CYP11A1: variants seen among roughly 807,000 people sequenced by gnomAD.
The protein encoded by CYP11A1 is cytochrome P450 family 11 subfamily A member 1.
Under a neutral mutation model 51.9 loss-of-function variants are expected in CYP11A1, and 25 were observed. That is an observed-to-expected ratio of 0.48 (90% CI 0.35 to 0.67). CYP11A1 has a LOEUF of 0.67. Among genes scored for constraint, CYP11A1 ranks in the 30% least tolerant of loss-of-function variants. The pLI, the probability that CYP11A1 is intolerant of heterozygous loss-of-function variation, is 0.00. For synonymous variants in CYP11A1, 245 were observed against 262.1 expected (o/e 0.93, Z 0.63); for missense variants, 578 against 680.9 (o/e 0.85, Z 1.68).
chr15:74,352,264 C>CTTTTT (rs34304260), intron 1 of CYP11A1, among the ~76,000 whole-genome samples: 105 of 86,078 alleles, frequency 1.2e-3, no homozygotes, highest in East Asian at 4.3e-3. Flanking sequence ...TCTTTGCTAT[C>CTTTTT]TTTTTTTTTT....
At chr15:74,357,978 A>G (rs896407353) in intron 1 of CYP11A1, among the ~76,000 whole-genome samples, 1 of 152,218 alleles carries the variant, frequency 6.6e-6, no homozygotes, top group Non-Finnish European at 1.5e-5. Flanking sequence ...ACCCTTGCAA[A>G]TGAATTACAC....
At chr15:74,346,336 G>A (rs56239172) in intron 2 of CYP11A1, among the ~76,000 whole-genome samples, 4,828 of 124,776 alleles carry the variant, frequency 0.039, 112 homozygotes, top group Non-Finnish European at 0.052. Flanking sequence ...CTGGGTGACA[G>A]AGCAAGACTC....
intron 1 of CYP11A1, chr15:74,365,788 A>G: frequency 1.0e-6 from 1 of 985,546 alleles, no homozygotes; most frequent in Non-Finnish European, 1.2e-6. Context: ...GGCAGAGGCC[A>G]GCAGAGGCGA....
At chr15:74,363,563 A>G (rs1596168862) in intron 1 of CYP11A1, 1 of 152,210 alleles carries the variant, frequency 6.6e-6, no homozygotes, top group Non-Finnish European at 1.5e-5. Context: ...GACCTTGGGT[A>G]AGGAGTATAC....
chr15:74,339,331 A>G lies in CYP11A1; in HGVS notation c.1158-16T>C. The G allele has an allele frequency of 6.2e-7, 1 of 1,611,184 alleles. No individual in the cohort carries two copies. The highest frequency in any genetic ancestry group is 8.5e-7 in the Non-Finnish European group (1 of 1,177,298). On this transcript the variant is annotated splice_polypyrimidine_tract_variant and intron_variant, in intron 6 of 8. Coordinates refer to ENST00000268053, the MANE Select transcript of CYP11A1 (RefSeq NM_000781.3). ...GGGGTGAAGTCTGCGGGAGGAGGGC[A>G]CTCAGAAGCTGATGGCCCCAAAGGC... is the stretch of plus-strand genomic sequence containing the variant.
chr15:74,342,295 G>T (rs1204602317), intron 5 of CYP11A1, among the ~76,000 whole-genome samples: 2 of 152,136 alleles, frequency 1.3e-5, no homozygotes, highest in Non-Finnish European at 2.9e-5. Context: ...TGTTGGCCAG[G>T]CTGGTCTCGA....
intron 1 of CYP11A1, among the ~76,000 whole-genome samples, chr15:74,349,947 G>T (rs2060648327): frequency 6.6e-6 from 1 of 151,830 alleles, no homozygotes; most frequent in African/African-American, 2.4e-5. Flanking sequence ...GCAAGACCCT[G>T]TTTCAAAAAA....
At chr15:74,358,347 T>C (rs2060691307) in intron 1 of CYP11A1, among the ~76,000 whole-genome samples, 1 of 152,198 alleles carries the variant, frequency 6.6e-6, no homozygotes, top group Non-Finnish European at 1.5e-5. Context: ...ACAAGGCAAA[T>C]GGTTCTTAGA....
chr15:74,352,236 G>T (rs989136181), intron 1 of CYP11A1, among the ~76,000 whole-genome samples: 51 of 127,602 alleles, frequency 4.0e-4, no homozygotes, highest in African/African-American at 1.4e-3. Flanking sequence ...TATACATTTT[G>T]TTTGAATTTT....
intron 1 of CYP11A1, among the ~76,000 whole-genome samples, chr15:74,356,960 C>G (rs2060683439): frequency 6.6e-6 from 1 of 152,184 alleles, no homozygotes; most frequent in African/African-American, 2.4e-5. Flanking sequence ...AGCCTGTTAT[C>G]ACTTGCCTGT....
chr15:74,359,735 A>G (rs2060698601), intron 1 of CYP11A1: 1 of 152,182 alleles, frequency 6.6e-6, no homozygotes, highest in African/African-American at 2.4e-5. Context: ...AAAAAGCTTT[A>G]TTGCTCACAC....
chr15:74,347,991 T>G lies in CYP11A1; in HGVS notation c.334A>C (p.Lys112Gln), dbSNP rs1309609773. Residue 112 changes from lysine to glutamine, a missense_variant, in exon 2 of 9, where the codon AAG (lysine) becomes CAG (glutamine). Lys to Gln is a moderately conservative substitution (Grantham distance 53). Transcript: ENST00000268053. ...CGTTCTGGGTTGGGGCCCTCGGACT[T>G]AAAGAGAAGGGCCACATCTTCAGGG... is the stretch of plus-strand genomic sequence containing the variant. ...IDPEDVALLF[K>Q]SEGPNPERFL... 1 of 1,614,106 alleles carries G rather than the reference T, an allele frequency of 6.2e-7. No homozygotes were observed. The highest frequency in any genetic ancestry group is 8.5e-7 in the Non-Finnish European group (1 of 1,180,008).
intron 6 of CYP11A1, 65 bp downstream of exon 6, chr15:74,339,522 C>A (rs762596641): frequency 2.1e-5 from 33 of 1,584,226 alleles, no homozygotes; most frequent in Non-Finnish European, 2.8e-5. Flanking sequence ...ACCCTTTCCC[C>A]GGGCACTTCC....
At chr15:74,344,525 G>A (rs2060622890) in intron 3 of CYP11A1, among the ~76,000 whole-genome samples, 1 of 152,162 alleles carries the variant, frequency 6.6e-6, no homozygotes, top group African/African-American at 2.4e-5. Flanking sequence ...CAAATCTCTT[G>A]CTGTGACCAC....
At position 74,343,123 on chromosome 15, in the gene CYP11A1, G is replaced by T; in HGVS notation, c.844C>A (p.Gln282Lys). 1 of 1,613,840 alleles carries T rather than the reference G, an allele frequency of 6.2e-7. No homozygotes were observed. Among genetic ancestry groups the T allele is most frequent in the Non-Finnish European group, 8.5e-7 (1 of 1,180,044 alleles). Residue 282 changes from glutamine to lysine, a missense_variant, in exon 5 of 9, where the codon CAG (glutamine) becomes AAG (lysine). Gln to Lys is a moderately conservative substitution (Grantham distance 53). Transcript: ENST00000268053. ...VIFSKADIYT[Q>K]NFYWELRQKG... ...TGTCTCAATTCCCAGTAGAAGTTCT[G>T]GGTGTATATGTCAGCTGTGGGGAAG... is the stretch of plus-strand genomic sequence containing the variant.
chr15:74,349,533 C>G (rs1295576331), intron 1 of CYP11A1, among the ~76,000 whole-genome samples: 2 of 152,142 alleles, frequency 1.3e-5, no homozygotes, highest in African/African-American at 4.8e-5. Context: ...TACCATGTGT[C>G]TTTGCACTAA....
In CYP11A1 at chr15:74,366,231, G is replaced by T. The variant is rs865991225; in HGVS notation, c.269+1086C>A. 2.5e-4 allele frequency: 249 copies of T among 984,770 alleles called. No individual in the cohort carries two copies. In the Middle Eastern group the frequency reaches 4.7e-3, roughly 19 times the overall value. The allele number at this position is 984,770 out of a possible 1,614,324, so 61.0% of individuals were successfully genotyped here. ...CGCTAGCGCCAAACTTGACCACGCTGCGACCTTTTCACTCTGTGCTCTGAC... is the reference window on the plus strand; with the variant it reads ...CGCTAGCGCCAAACTTGACCACGCTTCGACCTTTTCACTCTGTGCTCTGAC... On this transcript the variant is annotated intron_variant, in intron 1 of 8. Coordinates refer to ENST00000268053, the MANE Select transcript of CYP11A1 (RefSeq NM_000781.3).
At chr15:74,365,836 A>C in intron 1 of CYP11A1, 2 of 985,622 alleles carry the variant, frequency 2.0e-6, no homozygotes, top group Non-Finnish European at 2.4e-6. Flanking sequence ...GGGCAGAGAA[A>C]CGCATACCGG....
chr15:74,367,204 G>A (rs896923159), intron 1 of CYP11A1, 113 bp downstream of exon 1: 7 of 989,012 alleles, frequency 7.1e-6, no homozygotes, highest in African/African-American at 4.9e-5. Context: ...AAAGAAGTTA[G>A]ACAGGAGTTT....
Sources: allele counts gnomAD v4.1 joint callset (sites outside exome capture counted in the v4.1 genomes callset), GRCh38; gene constraint gnomAD v4.1.1; transcripts MANE v1.5; gene names NCBI Gene and HGNC (gene_info 2026-07-23, HGNC 2026-07-21).